PSME4: variants seen among roughly 807,000 people sequenced by gnomAD.
PSME4 encodes the protein proteasome activator complex subunit 4.
A neutral mutation model predicts 253.9 loss-of-function variants in PSME4; 89 were observed. That is an observed-to-expected ratio of 0.35 (90% CI 0.30 to 0.42). The LOEUF (loss-of-function observed/expected upper bound fraction) is 0.42, where lower values mean the gene tolerates loss of function less well. Ranked by LOEUF, PSME4 falls within the 10% of genes least tolerant of loss-of-function variation. The probability of loss-of-function intolerance (pLI) is 1.00; values close to 1 mark genes in which losing one functional copy is unlikely to be tolerated. For missense variants in PSME4, 2,014 were observed against 2,195.2 expected, an observed-to-expected ratio of 0.92 and a Z score of 1.65; for synonymous variants, 851 against 759.2, an observed-to-expected ratio of 1.12 and a Z score of -1.99.
chr2:53,947,567 G>T (rs533358204), intron 3 of PSME4, among the ~76,000 whole-genome samples: 2 of 152,066 alleles, frequency 1.3e-5, no homozygotes, highest in East Asian at 3.9e-4. Flanking sequence ...TTAGCCGGGC[G>T]TGGTGGTGGG....
At chr2:53,939,905 G>A in intron 4 of PSME4, 51 bp downstream of exon 4, 1 of 1,466,496 alleles carries the variant, frequency 6.8e-7, no homozygotes, top group Non-Finnish European at 9.4e-7. Flanking sequence ...TAAAGATGTG[G>A]AAAAGCCCAC....
chr2:53,903,283 A>ACT (rs140766638), intron 27 of PSME4, among the ~76,000 whole-genome samples: 13 of 149,166 alleles, frequency 8.7e-5, no homozygotes, highest in East Asian at 5.9e-4. Context: ...TCATCTAACT[A>ACT]CTCTCTCTCT....
chr2:53,940,177 T>C (rs1259519706), intron 3 of PSME4, among the ~76,000 whole-genome samples, 177 bp from the exon 4 acceptor site: 1 of 152,156 alleles, frequency 6.6e-6, no homozygotes, highest in Non-Finnish European at 1.5e-5. Context: ...CTAAACTCCT[T>C]AATCTACTCT....
In PSME4 at chr2:53,937,403, T is replaced by C. The variant is rs895569018; in HGVS notation, c.683A>G (p.His228Arg). ...LPTSLPPELH[H>R]KGFKLWFDEL... ...TGAACATACTTACTTAAAACCTTTA[T>C]GATGAAGTTCTGGAGGAAGGGAGGT... is the stretch of plus-strand genomic sequence containing the variant. The change falls in exon 5 of 47, where the codon CAT (histidine) becomes CGT (arginine). Residue 228 changes from histidine to arginine, a missense_variant. Around this residue, in one of 4 missense-constraint regions of PSME4, gnomAD observed 615 missense variants for 594.4 expected, o/e 1.03. Coordinates refer to ENST00000404125, the MANE Select transcript of PSME4 (RefSeq NM_014614.3). The C allele has an allele frequency of 1.9e-6, 3 of 1,597,816 alleles. No homozygotes were observed. The highest frequency in any genetic ancestry group is 2.3e-5 in the South Asian group (2 of 88,818).
chr2:53,915,344 G>A (rs986846639), intron 20 of PSME4, among the ~76,000 whole-genome samples: 17 of 152,144 alleles, frequency 1.1e-4, no homozygotes, highest in African/African-American at 4.1e-4. Context: ...GGGAGCTGAA[G>A]TGGGAGGATC....
chr2:53,964,230 A>T (rs1235093449), intron 1 of PSME4, among the ~76,000 whole-genome samples: 1 of 152,242 alleles, frequency 6.6e-6, no homozygotes, highest in Non-Finnish European at 1.5e-5. Flanking sequence ...TGACATCATC[A>T]TGAAAAATCA....
intron 23 of PSME4, 42 bp downstream of exon 23, chr2:53,908,468 G>T (rs1263592770): frequency 6.2e-7 from 1 of 1,611,086 alleles, no homozygotes; most frequent in East Asian, 2.2e-5. Context: ...ATCCAAGCTT[G>T]ATCGTATTAA....
chr2:53,954,143 C>T (rs1670125083), intron 1 of PSME4, among the ~76,000 whole-genome samples: 1 of 151,922 alleles, frequency 6.6e-6, no homozygotes, highest in African/African-American at 2.4e-5. Context: ...GCCTGACCAA[C>T]ACAGTGAAAC....
intron 12 of PSME4, 59 bp downstream of exon 12, chr2:53,927,335 T>C (rs760630079): frequency 2.8e-5 from 33 of 1,189,858 alleles, no homozygotes; most frequent in Non-Finnish European, 3.9e-5. Context: ...AGTGTTACTA[T>C]GCATATGCAA....
Position 53,920,180 on chromosome 2 carries a change from A to G in PSME4, c.2420+13T>C, listed in dbSNP as rs1668231588. On this transcript the variant is annotated intron_variant, in intron 19 of 46. Coordinates refer to ENST00000404125, the MANE Select transcript of PSME4 (RefSeq NM_014614.3). ...CTGCAACTGAATAACTCTAATTATA[A>G]AATAAAACCAACCTAGACATTTCAA... 6.3e-6 allele frequency: 10 copies of G among 1,586,680 alleles called. No homozygotes were observed. Among genetic ancestry groups the G allele is most frequent in the African/African-American group, 1.4e-5 (1 of 73,704 alleles).
chr2:53,925,662 T>C lies in PSME4; in HGVS notation c.1686A>G (p.Thr562=), dbSNP rs1668527482. 1.9e-6 allele frequency: 3 copies of C among 1,609,258 alleles called. No individual in the cohort carries two copies. Among genetic ancestry groups the C allele is most frequent in the African/African-American group, 2.7e-5 (2 of 74,864 alleles). ...CTGTCTCTTCTCTTGTTTGCTCCAA[T>C]GTGCTACTTTCTATAAGTCCAAAAC... is the stretch of plus-strand genomic sequence containing the variant. ...DRCFGLIESS[T]LEQTREETET... Residue 562 remains threonine (T), a synonymous_variant, in exon 14 of 47, where the codon ACA becomes ACG. Coordinates refer to ENST00000404125, the MANE Select transcript of PSME4 (RefSeq NM_014614.3).
intron 20 of PSME4, among the ~76,000 whole-genome samples, chr2:53,915,583 A>G (rs984702824): frequency 5.4e-5 from 8 of 148,668 alleles, no homozygotes; most frequent in African/African-American, 1.0e-4. Flanking sequence ...AAAGTAGAAG[A>G]AAAAAAAAAG....
chr2:53,904,696 T>C (rs925674276), intron 26 of PSME4, among the ~76,000 whole-genome samples: 11 of 152,240 alleles, frequency 7.2e-5, no homozygotes, highest in African/African-American at 2.6e-4. Flanking sequence ...GGATAATAAC[T>C]GGTTATAGTA....
rs879195314 is a variant in PSME4, at chr2:53,934,820, T to C, written c.835-93A>G. On this transcript the variant is annotated intron_variant, in intron 7 of 46. Transcript: ENST00000404125. ...CTGTATATTAGTGTTACTGAAGATATTTTCATTTTATCACAAGGGTTTTTA... is the reference window on the plus strand; with the variant it reads ...CTGTATATTAGTGTTACTGAAGATACTTTCATTTTATCACAAGGGTTTTTA... 3 of 982,082 alleles carry C rather than the reference T, an allele frequency of 3.1e-6. No homozygotes were observed. The African/African-American group carries it at 4.9e-5, about 16-fold the overall frequency. 60.8% of individuals were successfully genotyped at this position (982,082 alleles called of 1,614,324 possible). A position where few individuals can be genotyped will look rare whatever the true frequency, so the allele number is the denominator to read the frequency against.
chr2:53,893,051 C>A, intron 35 of PSME4, 91 bp from the exon 36 acceptor site: 3 of 1,210,484 alleles, frequency 2.5e-6, no homozygotes, highest in Non-Finnish European at 2.3e-6. Flanking sequence ...TACTAACGTG[C>A]TTAAAAGCTC....
Position 53,944,388 on chromosome 2 carries a change from G to A in PSME4, c.500+4033C>T, listed in dbSNP as rs184789737. ...TTGGCCAGGCTGGTCTCAAACTCCC[G>A]ACCTCAGATGATCCATCTACCTCAG... On this transcript the variant is annotated intron_variant, in intron 3 of 46. Transcript: ENST00000404125. 1.7e-3 allele frequency among the ~76,000 whole-genome samples: 265 copies of A among 152,224 alleles called. 1 individual carries two copies. Among genetic ancestry groups the A allele is most frequent in the African/African-American group, 5.3e-3 (219 of 41,536 alleles).
At chr2:53,956,357 C>T (rs180680084) in intron 1 of PSME4, among the ~76,000 whole-genome samples, 2 of 151,552 alleles carry the variant, frequency 1.3e-5, no homozygotes, top group African/African-American at 2.4e-5. Flanking sequence ...GGTGAAACCC[C>T]GTCTCTACTA....
At chr2:53,940,980 T>TACATATTTAAATATATATATATATAC in intron 3 of PSME4, among the ~76,000 whole-genome samples, 1 of 73,274 alleles carries the variant, frequency 1.4e-5, no homozygotes, top group Non-Finnish European at 3.2e-5. Context: ...TATATATATA[T>TACATATTTAAATATATATATATATAC]ATATATATAT....
chr2:53,906,213 T>C (rs1680652377), intron 26 of PSME4, among the ~76,000 whole-genome samples: 1 of 152,192 alleles, frequency 6.6e-6, no homozygotes, highest in Admixed American at 6.5e-5. Context: ...GGAGGAATTA[T>C]GTGGCCTTCG....
Sources: allele counts gnomAD v4.1 joint callset (sites outside exome capture counted in the v4.1 genomes callset), GRCh38; gene constraint gnomAD v4.1.1; regional missense constraint gnomAD v4.1.1; transcripts MANE v1.5; gene names NCBI Gene and HGNC (gene_info 2026-07-23, HGNC 2026-07-21).